DLGAP1: variants seen among roughly 807,000 people sequenced by gnomAD.
DLGAP1 encodes the protein disks large-associated protein 1.
Under a neutral mutation model 90.8 loss-of-function variants are expected in DLGAP1, and 11 were observed. The observed-to-expected ratio is 0.12, with a 90% CI of 0.08 to 0.20. The LOEUF is 0.20. Ranked by LOEUF, DLGAP1 falls within the 10% of genes least tolerant of loss-of-function variation. DLGAP1 has a pLI of 1.00. For synonymous variants in DLGAP1, 558 were observed against 540.7 expected (o/e 1.03, Z -0.44); for missense variants, 1,050 against 1,333.8 (o/e 0.79, Z 3.31).
intron 1 of DLGAP1, among the ~76,000 whole-genome samples, chr18:4,382,428 A>G (rs1046100013): frequency 6.6e-6 from 1 of 152,068 alleles, no homozygotes; most frequent in African/African-American, 2.4e-5. Flanking sequence ...TCTCTAAGAA[A>G]AATCTACTAA....
intron 7 of DLGAP1, among the ~76,000 whole-genome samples, chr18:3,628,630 TG>T (rs1669392595): frequency 6.6e-6 from 1 of 152,240 alleles, no homozygotes; most frequent in South Asian, 2.1e-4. Flanking sequence ...GTAACTAGTC[TG>T]CTGATATTTG....
chr18:4,273,880 A>T (rs2079342849), intron 1 of DLGAP1, among the ~76,000 whole-genome samples: 1 of 146,932 alleles, frequency 6.8e-6, no homozygotes, highest in Non-Finnish European at 1.5e-5. Flanking sequence ...TTCTGATTTT[A>T]GTAATTTGTC....
intron 7 of DLGAP1, among the ~76,000 whole-genome samples, chr18:3,591,444 T>G (rs2056241656): frequency 6.6e-6 from 1 of 152,020 alleles, no homozygotes; most frequent in South Asian, 2.1e-4. Context: ...TCCCAGCACT[T>G]TGAGAGGTCC....
At chr18:3,817,565 GAAAA>G (rs2148457597) in intron 4 of DLGAP1, among the ~76,000 whole-genome samples, 1 of 152,208 alleles carries the variant, frequency 6.6e-6, no homozygotes, top group South Asian at 2.1e-4. Context: ...CCTTGGAGAA[GAAAA>G]ACACAACTGC....
At chr18:4,354,071 G>C (rs557868583) in intron 1 of DLGAP1, among the ~76,000 whole-genome samples, 5 of 152,294 alleles carry the variant, frequency 3.3e-5, no homozygotes, top group South Asian at 4.1e-4. Context: ...TCTGTGACTC[G>C]CACATAGTTG....
rs2049728045 is a variant in DLGAP1 at position 3,497,333 on chromosome 18, C to G, written c.*1852G>C. On this transcript the variant is annotated 3_prime_UTR_variant, in exon 13 of 13. Transcript: ENST00000315677. Reference sequence around the variant, plus strand: ...AAGCACTTTGAGTGCTTTGTTCACCCTAGTTAAAAGTTGGTTCGTTGGTTT... The same window carrying G: ...AAGCACTTTGAGTGCTTTGTTCACCGTAGTTAAAAGTTGGTTCGTTGGTTT... 6.6e-6 allele frequency: 1 copy of G among 152,142 alleles called. No individual in the cohort carries two copies. The highest frequency in any genetic ancestry group is 2.4e-5 in the African/African-American group (1 of 41,436). 9.4% of individuals were successfully genotyped at this position (152,142 alleles called of 1,614,324 possible).
chr18:4,035,077 T>C (rs1183085808), intron 2 of DLGAP1, among the ~76,000 whole-genome samples: 4 of 152,182 alleles, frequency 2.6e-5, no homozygotes, highest in Non-Finnish European at 5.9e-5. Context: ...CAGTCTATCA[T>C]GGATGGACAT....
At chr18:3,708,436 T>C (rs564642509) in intron 7 of DLGAP1, 3 of 456,708 alleles carry the variant, frequency 6.6e-6, no homozygotes, top group Non-Finnish European at 1.3e-5. Context: ...CTGAGTGGTA[T>C]CAGGGGTGGA....
chr18:4,015,523 T>C (rs2074507269), intron 2 of DLGAP1, among the ~76,000 whole-genome samples: 1 of 152,226 alleles, frequency 6.6e-6, no homozygotes, highest in Non-Finnish European at 1.5e-5. Context: ...ATTGCTTCCA[T>C]TGAGTTGGAC....
At chr18:3,622,517 C>T (rs2058133911) in intron 7 of DLGAP1, among the ~76,000 whole-genome samples, 1 of 152,078 alleles carries the variant, frequency 6.6e-6, no homozygotes, top group African/African-American at 2.4e-5. Context: ...AGGGAGAGTC[C>T]AGAATTCGGC....
chr18:3,558,015 A>G (rs2053858305), intron 9 of DLGAP1, among the ~76,000 whole-genome samples: 1 of 152,186 alleles, frequency 6.6e-6, no homozygotes, highest in Non-Finnish European at 1.5e-5. Context: ...GAGCTTGAGA[A>G]GAATGTGTAA....
intron 11 of DLGAP1, among the ~76,000 whole-genome samples, chr18:3,503,892 T>G (rs2050074745): frequency 6.6e-6 from 1 of 152,148 alleles, no homozygotes; most frequent in Non-Finnish European, 1.5e-5. Context: ...GGTCAGGAGT[T>G]CGAGACCAGC....
chr18:4,433,088 G>T (rs2083325425), intron 1 of DLGAP1, among the ~76,000 whole-genome samples: 1 of 152,136 alleles, frequency 6.6e-6, no homozygotes, highest in African/African-American at 2.4e-5. Flanking sequence ...TCCCCATACA[G>T]TTCAAGCCGA....
At position 4,342,607 on chromosome 18, in the gene DLGAP1, G is replaced by C. The variant is rs2081215715; in HGVS notation, c.-267+112399C>G. Among the ~76,000 whole-genome samples the C allele has an allele frequency of 6.6e-6, 1 of 151,612 alleles. No individual in the cohort carries two copies. Among genetic ancestry groups the C allele is most frequent in the South Asian group, 2.1e-4 (1 of 4,804 alleles). ...TTTCCAAGAATCTGGCTTAGGCTGAGATTACACAAAGAGGGAAATTAGCTC... is the reference window on the plus strand; with the variant it reads ...TTTCCAAGAATCTGGCTTAGGCTGACATTACACAAAGAGGGAAATTAGCTC... On this transcript the variant is annotated intron_variant, in intron 1 of 12. Coordinates refer to ENST00000315677, the MANE Select transcript of DLGAP1 (RefSeq NM_004746.4). This position sits in a 1 kb window ranked among gnomAD's most constrained non-coding sequence, Gnocchi z 5.8.
intron 2 of DLGAP1, among the ~76,000 whole-genome samples, chr18:4,036,311 T>A (rs1163280922): frequency 6.6e-6 from 1 of 152,220 alleles, no homozygotes; most frequent in African/African-American, 2.4e-5. Flanking sequence ...CACTGCATTT[T>A]GAAATGCAGT....
chr18:3,630,979 T>C (rs569628324), intron 7 of DLGAP1, among the ~76,000 whole-genome samples: 1 of 152,188 alleles, frequency 6.6e-6, no homozygotes, highest in South Asian at 2.1e-4. Flanking sequence ...TTATTTATTT[T>C]TTATTTTTAT....
At chr18:4,247,300 C>T (rs2145169561) in intron 1 of DLGAP1, among the ~76,000 whole-genome samples, 1 of 152,254 alleles carries the variant, frequency 6.6e-6, no homozygotes, top group Non-Finnish European at 1.5e-5. Context: ...CTCTTATTCC[C>T]ATTTTTCAGA....
At chr18:4,082,022 A>G (rs2075615132) in intron 2 of DLGAP1, among the ~76,000 whole-genome samples, 1 of 151,840 alleles carries the variant, frequency 6.6e-6, no homozygotes, top group African/African-American at 2.4e-5. Context: ...AGCCTGGCCA[A>G]CATGGTGAAA....
At chr18:4,034,186 C>T (rs1341306446) in intron 2 of DLGAP1, among the ~76,000 whole-genome samples, 3 of 151,436 alleles carry the variant, frequency 2.0e-5, no homozygotes, top group South Asian at 2.1e-4. Context: ...GGATTACAAG[C>T]GCCCACCACC....
Sources: allele counts gnomAD v4.1 joint callset (sites outside exome capture counted in the v4.1 genomes callset), GRCh38; gene constraint gnomAD v4.1.1; non-coding constraint Gnocchi (gnomAD v3.1); transcripts MANE v1.5; gene names NCBI Gene and HGNC (gene_info 2026-07-23, HGNC 2026-07-21).